The following UTRN variants were observed in gnomAD, a reference collection of about 807,000 sequenced individuals.
UTRN encodes the protein dystrophin-related protein 1.
In UTRN, 283 loss-of-function variants were observed where a neutral mutation model predicts 463.9. The observed-to-expected ratio is 0.61, with a 90% CI of 0.55 to 0.67. The LOEUF is 0.67. UTRN is among the 30% of genes least tolerant of loss of function. The pLI is 0.00. For missense variants in UTRN, 3,922 were observed against 4,084.3 expected (o/e 0.96, Z 1.08); for synonymous variants, 1,442 against 1,431.5 (o/e 1.01, Z -0.17).
chr6:144,444,772 A>T (rs1787501008), intron 14 of UTRN, among the ~76,000 whole-genome samples: 1 of 152,346 alleles, frequency 6.6e-6, no homozygotes, highest in Non-Finnish European at 1.5e-5. Flanking sequence ...CACACTGTGA[A>T]CTTTAATTCC....
At chr6:144,592,148 T>A (rs926231798) in intron 51 of UTRN, among the ~76,000 whole-genome samples, 1 of 152,188 alleles carries the variant, frequency 6.6e-6, no homozygotes, top group Non-Finnish European at 1.5e-5. Flanking sequence ...ATTGTGACTT[T>A]TTTAAAACAA....
intron 73 of UTRN, among the ~76,000 whole-genome samples, chr6:144,842,923 C>T (rs1781713989): frequency 6.6e-6 from 1 of 151,670 alleles, no homozygotes; most frequent in Non-Finnish European, 1.5e-5. Flanking sequence ...TCACATGCTA[C>T]CAGATTGTTG....
rs1224196163 is a variant in UTRN, at chr6:144,490,151, C to T, written c.4215C>T (p.Ser1405=). The change falls in exon 31 of 75, where the codon TCC becomes TCT. Residue 1405 remains serine, a synonymous_variant. Transcript: ENST00000367545. ...ATATGCGTTCTCAGCCCCTGACCTC[C>T]CCAGAGAGTAGGACTGCCAGAGGAG... ...RRNMRSQPLT[S]PESRTARGGS... 6.2e-7 allele frequency: 1 copy of T among 1,613,730 alleles called. No homozygotes were observed. The highest frequency in any genetic ancestry group is 8.5e-7 in the Non-Finnish European group (1 of 1,179,806).
chr6:144,701,872 G>A (rs766821218), intron 53 of UTRN, among the ~76,000 whole-genome samples: 13 of 151,616 alleles, frequency 8.6e-5, no homozygotes, highest in South Asian at 2.1e-4. Context: ...CTTTCTACTC[G>A]AAGCAGGAAT....
At chr6:144,610,105 A>C (rs756011804) in intron 51 of UTRN, among the ~76,000 whole-genome samples, 14 of 151,864 alleles carry the variant, frequency 9.2e-5, no homozygotes, top group Non-Finnish European at 1.8e-4. Context: ...TGGAATACAG[A>C]CTAGAAAAAT....
chr6:144,758,192 G>T, intron 58 of UTRN: 1 of 393,892 alleles, frequency 2.5e-6, no homozygotes, highest in Non-Finnish European at 4.5e-6. Flanking sequence ...ATATAGGTGT[G>T]TTTAGCTGAT....
At position 144,600,940 on chromosome 6, in the gene UTRN, G is replaced by C. The variant is rs568421863; in HGVS notation, c.7479+23652G>C. ...CTCACCTACCATTCCGAAAATCCTA[G>C]GGCCCTTAAGAATTATGTGAAATCT... On this transcript the variant is annotated intron_variant, in intron 51 of 74. Coordinates refer to ENST00000367545, the MANE Select transcript of UTRN (RefSeq NM_007124.3). 1.1e-4 allele frequency among the ~76,000 whole-genome samples: 16 copies of C among 152,212 alleles called. 1 individual carries two copies. Among genetic ancestry groups the C allele is most frequent in the African/African-American group, 3.1e-4 (13 of 41,544 alleles).
chr6:144,539,278 C>G lies in UTRN; in HGVS notation c.6370-16C>G, dbSNP rs1797798754. ...CTGACTACCTTCTAACCACACCTAT[C>G]TTTTAACTTCTCCAGGACTTAACTC... On this transcript the variant is annotated splice_polypyrimidine_tract_variant and intron_variant, in intron 44 of 74. Coordinates refer to ENST00000367545, the MANE Select transcript of UTRN (RefSeq NM_007124.3). 6.9e-6 allele frequency: 11 copies of G among 1,594,670 alleles called. No individual in the cohort carries two copies. Among genetic ancestry groups the G allele is most frequent in the Non-Finnish European group, 6.8e-6 (8 of 1,170,628 alleles).
At chr6:144,658,013 G>T (rs574889653) in intron 51 of UTRN, among the ~76,000 whole-genome samples, 1 of 152,160 alleles carries the variant, frequency 6.6e-6, no homozygotes, top group African/African-American at 2.4e-5. Flanking sequence ...TACAGACCAG[G>T]TTCCCTGTGG....
intron 4 of UTRN, among the ~76,000 whole-genome samples, chr6:144,423,270 T>G (rs1457313862): frequency 6.6e-6 from 1 of 151,820 alleles, no homozygotes; most frequent in Non-Finnish European, 1.5e-5. Context: ...TCTTTGGGGG[T>G]GGGGTTGGAC....
intron 58 of UTRN, among the ~76,000 whole-genome samples, chr6:144,766,746 A>C (rs1006207852): frequency 1.3e-5 from 2 of 151,986 alleles, no homozygotes; most frequent in South Asian, 4.2e-4. Context: ...GAAGGAGAGA[A>C]AAAAGGTGAT....
intron 53 of UTRN, among the ~76,000 whole-genome samples, chr6:144,720,893 C>T (rs1337710989): frequency 6.6e-6 from 1 of 152,140 alleles, no homozygotes; most frequent in Non-Finnish European, 1.5e-5. Flanking sequence ...CTCTCTTCCC[C>T]TTTATACTAT....
intron 66 of UTRN, among the ~76,000 whole-genome samples, chr6:144,826,040 T>C (rs1303183666): frequency 6.6e-6 from 1 of 150,610 alleles, no homozygotes; most frequent in African/African-American, 2.4e-5. Flanking sequence ...GAGATATACC[T>C]AATGCTAAAT....
At chr6:144,438,594 T>C (rs1262010617) in intron 11 of UTRN, 151 bp from the exon 12 acceptor site, 2 of 967,526 alleles carry the variant, frequency 2.1e-6, no homozygotes, top group African/African-American at 3.2e-5. Flanking sequence ...AAGTTTACTT[T>C]CCTGGCTTCT....
chr6:144,712,136 A>C (rs1214354810), intron 53 of UTRN, among the ~76,000 whole-genome samples: 2 of 152,148 alleles, frequency 1.3e-5, no homozygotes, highest in Non-Finnish European at 2.9e-5. Flanking sequence ...ATTATTTTCC[A>C]AGTTCCTCTC....
chr6:144,761,352 G>A (rs891831296), intron 58 of UTRN, among the ~76,000 whole-genome samples: 17 of 151,936 alleles, frequency 1.1e-4, no homozygotes, highest in Non-Finnish European at 2.2e-4. Context: ...TTGTATTCAG[G>A]GTTTAAGAAC....
chr6:144,821,375 G>T (rs1414250300), intron 66 of UTRN, among the ~76,000 whole-genome samples: 3 of 151,636 alleles, frequency 2.0e-5, no homozygotes, highest in Non-Finnish European at 2.9e-5. Context: ...TCCCCTTATG[G>T]GGGGTGTTTT....
intron 51 of UTRN, among the ~76,000 whole-genome samples, chr6:144,676,231 T>C (rs1585938973): frequency 6.6e-6 from 1 of 152,306 alleles, no homozygotes; most frequent in African/African-American, 2.4e-5. Context: ...GTACTTTCTT[T>C]ATACTTAGCC....
chr6:144,341,785 A>G (rs1345554247), intron 2 of UTRN, among the ~76,000 whole-genome samples: 2 of 152,250 alleles, frequency 1.3e-5, no homozygotes, highest in African/African-American at 4.8e-5. Flanking sequence ...AGTTTTCAGA[A>G]GAACCCTTTG....
Sources: allele counts gnomAD v4.1 joint callset (sites outside exome capture counted in the v4.1 genomes callset), GRCh38; gene constraint gnomAD v4.1.1; transcripts MANE v1.5; gene names NCBI Gene and HGNC (gene_info 2026-07-23, HGNC 2026-07-21).